Variants in RBPJ observed in about 807,000 individuals in gnomAD.
RBPJ encodes recombining binding protein suppressor of hairless.
RBPJ carries 9 observed loss-of-function variants against 67.8 expected under a neutral mutation model. The ratio of observed to expected loss-of-function variants is 0.13; its 90% CI spans 0.08 to 0.23. The LOEUF (loss-of-function observed/expected upper bound fraction) is 0.23. Among genes scored for constraint, RBPJ ranks in the 10% least tolerant of loss-of-function variants. The pLI is 1.00. For missense variants in RBPJ, 305 were observed against 595.6 expected, an observed-to-expected ratio of 0.51 and a Z score of 5.08; for synonymous variants, 198 against 203.3, an observed-to-expected ratio of 0.97 and a Z score of 0.22.
the RBPJ span, among the ~76,000 whole-genome samples, chr4:26,129,359 C>G: frequency 6.6e-6 from 1 of 152,170 alleles, no homozygotes; most frequent in Admixed American, 6.5e-5. Flanking sequence ...CCTAAAAGTA[C>G]TTCAAAGTGA....
chr4:26,256,291 A>G (rs1405740220), intron 1 of RBPJ, among the ~76,000 whole-genome samples: 1 of 124,820 alleles, frequency 8.0e-6, no homozygotes, highest in Non-Finnish European at 1.5e-5. Context: ...GGCTTCTGGA[A>G]AAAAAAAAAA....
At chr4:26,269,194 G>A (rs1271564147) in intron 1 of RBPJ, among the ~76,000 whole-genome samples, 1 of 150,110 alleles carries the variant, frequency 6.7e-6, no homozygotes, top group African/African-American at 2.4e-5. Flanking sequence ...CCCTCTCCTT[G>A]GCTATTATTT....
chr4:26,160,636 C>G (rs1490199667), upstream of RBPJ, among the ~76,000 whole-genome samples: 1 of 152,192 alleles, frequency 6.6e-6, no homozygotes, highest in East Asian at 1.9e-4. Flanking sequence ...GTCTGCTCTT[C>G]TCTCTGGTAA....
chr4:26,147,233 A>G, the RBPJ span, among the ~76,000 whole-genome samples: 1 of 152,238 alleles, frequency 6.6e-6, no homozygotes, highest in African/African-American at 2.4e-5. Context: ...TCTTAAAAGG[A>G]CATTGGAAAG....
the RBPJ span, chr4:26,113,931 T>G: frequency 2.6e-5 from 4 of 154,170 alleles, no homozygotes; most frequent in Non-Finnish European, 5.8e-5. Flanking sequence ...AGAAAATGAC[T>G]TCTTGTTTGA....
chr4:26,180,995 T>G (rs1281726594), intron 1 of RBPJ, among the ~76,000 whole-genome samples: 1 of 152,156 alleles, frequency 6.6e-6, no homozygotes, highest in Non-Finnish European at 1.5e-5. Flanking sequence ...AAAGGGCAGT[T>G]CCTCTGCACA....
intron 1 of RBPJ, among the ~76,000 whole-genome samples, 166 bp downstream of exon 1, chr4:26,321,214 T>C (rs1469589693): frequency 6.9e-6 from 1 of 145,034 alleles, no homozygotes; most frequent in Admixed American, 6.8e-5. Flanking sequence ...GGCCGTGCGC[T>C]GCCGCTCTGC....
chr4:26,292,197 A>AACT (rs1721693462), intron 1 of RBPJ, among the ~76,000 whole-genome samples: 1 of 150,514 alleles, frequency 6.6e-6, no homozygotes, highest in Non-Finnish European at 1.5e-5. Context: ...GAAAGTTTGT[A>AACT]CATTTTGACC....
chr4:26,257,566 T>C (rs574184955), intron 1 of RBPJ, among the ~76,000 whole-genome samples: 9 of 152,302 alleles, frequency 5.9e-5, no homozygotes, highest in Admixed American at 2.6e-4. Flanking sequence ...GAGGTGGAGC[T>C]TGCAGTGAGC....
Position 26,398,394 on chromosome 4 carries a change from C to T in RBPJ, c.60-7781C>T, listed in dbSNP as rs78316160. Among the ~76,000 whole-genome samples the T allele has an allele frequency of 1.8e-3, 280 of 152,242 alleles. 1 individual carries two copies. Among genetic ancestry groups the T allele is most frequent in the African/African-American group, 6.0e-3 (248 of 41,554 alleles). On this transcript the variant is annotated intron_variant, in intron 2 of 10. Transcript: ENST00000355476. ...ATGGCGATTAGCACCATAAGGACACCGCAAACTCACCGCTATAATTAATGT... is the reference window on the plus strand; with the variant it reads ...ATGGCGATTAGCACCATAAGGACACTGCAAACTCACCGCTATAATTAATGT...
chr4:26,275,616 GT>G (rs869248480), intron 1 of RBPJ, among the ~76,000 whole-genome samples: 3 of 135,190 alleles, frequency 2.2e-5, no homozygotes, highest in Non-Finnish European at 5.0e-5. Context: ...CAAATCATAG[GT>G]TTTTTGTTTT....
At chr4:26,233,412 T>A (rs1719352860) in intron 1 of RBPJ, among the ~76,000 whole-genome samples, 1 of 152,242 alleles carries the variant, frequency 6.6e-6, no homozygotes, top group Admixed American at 6.5e-5. Context: ...GTTTCCTTCT[T>A]CACTTAGGGC....
chr4:26,316,110 T>A (rs1722600316), upstream of RBPJ, among the ~76,000 whole-genome samples: 1 of 152,012 alleles, frequency 6.6e-6, no homozygotes, highest in Admixed American at 6.6e-5. Flanking sequence ...GATTAAGAGA[T>A]TAAAGTAAGA....
At chr4:26,351,953 G>C (rs191023051) in intron 1 of RBPJ, among the ~76,000 whole-genome samples, 1 of 152,164 alleles carries the variant, frequency 6.6e-6, no homozygotes, top group Non-Finnish European at 1.5e-5. Context: ...TTTGGGTCGG[G>C]GGGAGGTGTG....
intron 1 of RBPJ, among the ~76,000 whole-genome samples, chr4:26,340,882 AAAG>A (rs1279226785): frequency 1.3e-5 from 2 of 151,968 alleles, no homozygotes; most frequent in Non-Finnish European, 1.5e-5. Context: ...GAAAAAAAAA[AAAG>A]AAAGAAAGGT....
chr4:26,202,219 C>A (rs1163082307), intron 1 of RBPJ, among the ~76,000 whole-genome samples: 1 of 151,916 alleles, frequency 6.6e-6, no homozygotes, highest in Non-Finnish European at 1.5e-5. Context: ...CTACAATGAT[C>A]ATTTCCAAAG....
chr4:26,287,024 T>G (rs1205087615), intron 1 of RBPJ, among the ~76,000 whole-genome samples: 1 of 152,108 alleles, frequency 6.6e-6, no homozygotes, highest in Non-Finnish European at 1.5e-5. Context: ...TCACCTCAGG[T>G]GATCCGCCCA....
rs1332540554 is a variant in RBPJ at position 26,270,409 on chromosome 4, GAA to G, written c.-166-92035_-166-92034del. ...AGAAAGAAAGAAAGAAAGAAAGAAA[GAA>G]AGAAAGAAAGAAAGAAAGAAAGAAA... On this transcript the variant is annotated intron_variant, in intron 1 of 4. Transcript: ENST00000512351. Among the ~76,000 whole-genome samples the G allele has an allele frequency of 7.5e-4, 43 of 57,510 alleles. 1 individual carries two copies. The highest frequency in any genetic ancestry group is 2.0e-3 in the African/African-American group (41 of 20,788). The allele number at this position is 57,510 out of a possible 152,430, so 37.7% of individuals were successfully genotyped here. A position where few individuals can be genotyped will look rare whatever the true frequency, so the allele number is the denominator to read the frequency against.
At chr4:26,294,871 G>A (rs1006884357) in intron 1 of RBPJ, among the ~76,000 whole-genome samples, 6 of 145,416 alleles carry the variant, frequency 4.1e-5, no homozygotes, top group African/African-American at 1.6e-4. Context: ...GCAAGACTCC[G>A]TCTCAAAAAA....
Sources: allele counts gnomAD v4.1 joint callset (sites outside exome capture counted in the v4.1 genomes callset), GRCh38; gene constraint gnomAD v4.1.1; transcripts MANE v1.5; gene names NCBI Gene and HGNC (gene_info 2026-07-23, HGNC 2026-07-21).